KAZN: variants seen among roughly 807,000 people sequenced by gnomAD.
KAZN encodes kazrin, periplakin interacting protein.
A neutral mutation model predicts 87.4 loss-of-function variants in KAZN; 40 were observed. That is an observed-to-expected ratio of 0.46 (90% CI 0.36 to 0.60). KAZN has a LOEUF of 0.60. Among genes scored for constraint, KAZN ranks in the 20% least tolerant of loss-of-function variants. KAZN has a pLI of 0.00. For missense variants in KAZN, 898 were observed against 1,073.9 expected, an observed-to-expected ratio of 0.84 and a Z score of 2.29; for synonymous variants, 466 against 458.3, an observed-to-expected ratio of 1.02 and a Z score of -0.22.
rs2100956935 is a variant in KAZN at position 13,937,277 on chromosome 1, C to T, written c.91+43521C>T. Reference sequence around the variant, plus strand: ...GTCAGGCTGGTCTTGAACTCCCGACCTCGTGATCCGCCTGCCTTGGCCACC... The same window carrying T: ...GTCAGGCTGGTCTTGAACTCCCGACTTCGTGATCCGCCTGCCTTGGCCACC... On this transcript the variant is annotated intron_variant, in intron 1 of 16. Transcript: ENST00000636203. Among the ~76,000 whole-genome samples, 2 of 152,296 alleles carry T rather than the reference C, an allele frequency of 1.3e-5. 1 individual carries two copies. Among genetic ancestry groups the T allele is most frequent in the South Asian group, 4.1e-4 (2 of 4,826 alleles).
intron 2 of KAZN, among the ~76,000 whole-genome samples, chr1:14,413,276 A>G (rs1382600377): frequency 1.3e-5 from 2 of 151,956 alleles, no homozygotes; most frequent in African/African-American, 4.8e-5. Context: ...CTTTACCTCA[A>G]TACAGAAAGA....
chr1:14,253,252 A>T (rs1383627425), intron 2 of KAZN, among the ~76,000 whole-genome samples: 1 of 152,102 alleles, frequency 6.6e-6, no homozygotes, highest in Non-Finnish European at 1.5e-5. Flanking sequence ...TATTACGATT[A>T]TAATAGTTAT....
chr1:14,175,598 A>T (rs1646055664), intron 1 of KAZN, among the ~76,000 whole-genome samples: 1 of 152,214 alleles, frequency 6.6e-6, no homozygotes, highest in Admixed American at 6.5e-5. Context: ...ACTGTGTGTG[A>T]GTAGTGTACG....
intron 1 of KAZN, among the ~76,000 whole-genome samples, chr1:14,105,981 G>A (rs2101657214): frequency 2.0e-5 from 3 of 152,272 alleles, no homozygotes; most frequent in East Asian, 3.9e-4. Flanking sequence ...GCAATCTGGT[G>A]GCTTAAAATT....
At chr1:14,017,071 A>G (rs1422650850) in intron 1 of KAZN, among the ~76,000 whole-genome samples, 3 of 152,306 alleles carry the variant, frequency 2.0e-5, no homozygotes, top group East Asian at 3.9e-4. Flanking sequence ...CTGTCAGCCT[A>G]ATGGAAGACA....
At chr1:14,367,100 G>A (rs1189315082) in intron 2 of KAZN, among the ~76,000 whole-genome samples, 10 of 152,066 alleles carry the variant, frequency 6.6e-5, no homozygotes, top group South Asian at 2.1e-4. Flanking sequence ...GTGGTGGCAC[G>A]CGCCTGTAAT....
intron 2 of KAZN, among the ~76,000 whole-genome samples, chr1:14,438,095 CAAAA>C (rs35260375): frequency 1.1e-4 from 15 of 134,032 alleles, no homozygotes; most frequent in Admixed American, 7.6e-5. Flanking sequence ...TCCCTAAAGC[CAAAA>C]AAAAAAAAAA....
intron 2 of KAZN, among the ~76,000 whole-genome samples, chr1:14,287,238 T>A (rs891106559): frequency 6.6e-6 from 1 of 152,178 alleles, no homozygotes; most frequent in Non-Finnish European, 1.5e-5. Context: ...TCACCCAACA[T>A]CCATTGCCTT....
In KAZN at chr1:14,335,758, C is replaced by G. The variant is rs543075554; in HGVS notation, c.249+155166C>G. 6.4e-3 allele frequency among the ~76,000 whole-genome samples: 969 copies of G among 151,516 alleles called. 33 individuals are homozygous for G. In the East Asian group the frequency reaches 0.11, roughly 18 times the overall value. ...GCGTGCATGTGCGCGCACACACACA[C>G]ACAGAGAGAGAGAGAGAGAGAGAGG... On this transcript the variant is annotated intron_variant, in intron 2 of 16. Transcript: ENST00000636203.
At chr1:14,898,087 C>T (rs61773598) in intron 1 of KAZN, among the ~76,000 whole-genome samples, 13,441 of 152,154 alleles carry the variant, frequency 0.088, 775 homozygotes, top group Middle Eastern at 0.15. Context: ...AAATGGTACC[C>T]GGGGGTGAGA....
chr1:14,057,158 G>A (rs1448914259), intron 1 of KAZN, among the ~76,000 whole-genome samples: 2 of 148,576 alleles, frequency 1.3e-5, no homozygotes, highest in Non-Finnish European at 3.0e-5. Context: ...TTTTTGAGAC[G>A]GAGTCTCACT....
chr1:14,583,835 C>A (rs547766808), intron 2 of KAZN, among the ~76,000 whole-genome samples: 2 of 152,236 alleles, frequency 1.3e-5, no homozygotes, highest in East Asian at 1.9e-4. Flanking sequence ...CATTTGTATT[C>A]CCCCCTCCCC....
chr1:14,059,396 G>T (rs1642700040), intron 1 of KAZN, among the ~76,000 whole-genome samples: 1 of 152,182 alleles, frequency 6.6e-6, no homozygotes, highest in Admixed American at 6.5e-5. Context: ...CTTGGAGTCT[G>T]ATGTCTAAGA....
At chr1:14,020,143 A>G (rs1483710343) in intron 1 of KAZN, among the ~76,000 whole-genome samples, 2 of 152,076 alleles carry the variant, frequency 1.3e-5, no homozygotes, top group Admixed American at 6.6e-5. Flanking sequence ...CACTTCTGTG[A>G]TAACCTAATG....
Position 14,150,373 on chromosome 1 carries a change from T to G in KAZN, c.92-30062T>G, listed in dbSNP as rs569180144. Among the ~76,000 whole-genome samples the G allele has an allele frequency of 3.9e-5, 6 of 152,326 alleles. No individual in the cohort carries two copies. In the East Asian group the frequency reaches 1.2e-3, roughly 29 times the overall value. On this transcript the variant is annotated intron_variant, in intron 1 of 16. Transcript: ENST00000636203. ...TCAGGAGCAATTTAATACCCCTTTA[T>G]GGTAGAAGGGTTCCAGAAACAGTAA...
chr1:14,053,850 A>G (rs748414124), intron 1 of KAZN, among the ~76,000 whole-genome samples: 17 of 152,180 alleles, frequency 1.1e-4, no homozygotes, highest in Non-Finnish European at 2.1e-4. Flanking sequence ...CCTTACCAAT[A>G]ACATAGTTGA....
At chr1:14,768,794 C>T (rs539497103) in intron 1 of KAZN, among the ~76,000 whole-genome samples, 11 of 152,192 alleles carry the variant, frequency 7.2e-5, no homozygotes, top group African/African-American at 2.7e-4. Context: ...CTTGCCTCAT[C>T]CAAAGTAATC....
intron 2 of KAZN, among the ~76,000 whole-genome samples, chr1:14,265,264 C>G (rs1455198664): frequency 6.6e-6 from 1 of 152,164 alleles, no homozygotes; most frequent in Non-Finnish European, 1.5e-5. Context: ...ACCTCTCAGT[C>G]TTGTGGGCTC....
Position 14,493,952 on chromosome 1 carries a change from C to A in KAZN, c.250-105031C>A, listed in dbSNP as rs542197495. ...CAGGGTTGTGTCTCAAGACAATTCT[C>A]TTTCAACCTCAACCCCTTCTCTCCT... On this transcript the variant is annotated intron_variant, in intron 2 of 16. Coordinates refer to the KAZN transcript ENST00000636203. Among the ~76,000 whole-genome samples, 93 of 152,334 alleles carry A rather than the reference C, an allele frequency of 6.1e-4. 2 individuals carry two copies. The highest frequency in any genetic ancestry group is 3.5e-3 in the South Asian group (17 of 4,824).
Sources: gnomAD v4.1 joint callset for allele counts (sites outside exome capture counted in the v4.1 genomes callset) on GRCh38, gnomAD v4.1.1 for gene constraint, MANE v1.5 for transcripts, NCBI Gene and HGNC (gene_info 2026-07-23, HGNC 2026-07-21) for gene names.